SUPT3H: variants seen among roughly 807,000 people sequenced by gnomAD.
SUPT3H encodes the protein SPT3 homolog, SAGA and STAGA complex component, also known as transcription initiation protein SPT3 homolog.
A neutral mutation model predicts 44.3 loss-of-function variants in SUPT3H; 44 were observed. The ratio of observed to expected loss-of-function variants is 0.99; its 90% CI spans 0.78 to 1.28. The LOEUF (loss-of-function observed/expected upper bound fraction) is 1.28. Among genes scored for constraint, SUPT3H ranks in the 50% most tolerant of loss-of-function variants. SUPT3H has a pLI of 0.00. For synonymous variants in SUPT3H, 124 were observed against 125.6 expected, an observed-to-expected ratio of 0.99 and a Z score of 0.09; for missense variants, 380 against 387.1, an observed-to-expected ratio of 0.98 and a Z score of 0.15.
intron 2 of SUPT3H, among the ~76,000 whole-genome samples, chr6:45,146,964 GAAC>G (rs1183473116): frequency 2.0e-5 from 3 of 152,050 alleles, no homozygotes; most frequent in Non-Finnish European, 4.4e-5. Context: ...TAATAATTGA[GAAC>G]AACAAGAATA....
intron 10 of SUPT3H, among the ~76,000 whole-genome samples, chr6:44,840,323 T>C (rs1421138068): frequency 6.6e-6 from 1 of 152,010 alleles, no homozygotes; most frequent in East Asian, 1.9e-4. Context: ...GTCCAATTGG[T>C]GGTGGGAGTG....
At chr6:44,979,321 C>T (rs913675533) in intron 6 of SUPT3H, among the ~76,000 whole-genome samples, 9 of 152,144 alleles carry the variant, frequency 5.9e-5, no homozygotes, top group African/African-American at 2.2e-4. Context: ...CTAATAAATA[C>T]TGAATGATTT....
intron 2 of SUPT3H, among the ~76,000 whole-genome samples, chr6:45,236,434 C>T (rs1443342893): frequency 6.6e-6 from 1 of 152,038 alleles, no homozygotes; most frequent in East Asian, 1.9e-4. Context: ...CCTTTTCACA[C>T]TGATGATGAG....
At chr6:44,954,076 T>C (rs1774734728) in intron 8 of SUPT3H, among the ~76,000 whole-genome samples, 1 of 152,184 alleles carries the variant, frequency 6.6e-6, no homozygotes, top group Non-Finnish European at 1.5e-5. Flanking sequence ...GAGATGCTGA[T>C]GCCTGTGGTC....
chr6:45,060,474 A>G (rs1791814011), intron 3 of SUPT3H, among the ~76,000 whole-genome samples: 1 of 151,950 alleles, frequency 6.6e-6, no homozygotes, highest in Non-Finnish European at 1.5e-5. Flanking sequence ...ACTTAACTGT[A>G]AAACCCAAAA....
chr6:45,221,462 G>A (rs541616955), intron 2 of SUPT3H, among the ~76,000 whole-genome samples: 2 of 152,102 alleles, frequency 1.3e-5, no homozygotes, highest in African/African-American at 4.8e-5. Flanking sequence ...ATTAACATGT[G>A]AAAACAGAAA....
intron 7 of SUPT3H, among the ~76,000 whole-genome samples, chr6:44,954,942 A>G (rs1774886721): frequency 6.6e-6 from 1 of 152,226 alleles, no homozygotes; most frequent in African/African-American, 2.4e-5. Context: ...TCATGTTACA[A>G]CAAGAAGTCA....
chr6:45,374,643 C>G (rs922170259), intron 1 of SUPT3H, among the ~76,000 whole-genome samples: 1 of 151,686 alleles, frequency 6.6e-6, no homozygotes, highest in African/African-American at 2.4e-5. Context: ...ACGGATTTCA[C>G]TATTCAACCT....
intron 4 of SUPT3H, among the ~76,000 whole-genome samples, chr6:45,019,461 T>G (rs1286816119): frequency 1.4e-4 from 21 of 152,114 alleles, no homozygotes; most frequent in African/African-American, 4.3e-4. Flanking sequence ...TTTTGGATCT[T>G]TCCTGCTTTC....
intron 2 of SUPT3H, among the ~76,000 whole-genome samples, chr6:45,220,782 G>A (rs1769657214): frequency 6.6e-6 from 1 of 152,200 alleles, no homozygotes; most frequent in Admixed American, 6.5e-5. Flanking sequence ...GACACTGTTG[G>A]TGGGAGTTCA....
At chr6:45,030,943 C>T (rs1007779598) in intron 3 of SUPT3H, among the ~76,000 whole-genome samples, 8 of 152,034 alleles carry the variant, frequency 5.3e-5, no homozygotes, top group African/African-American at 1.2e-4. Context: ...TGGTACATCC[C>T]GAAGAGTGTT....
At chr6:45,374,789 G>A (rs149602145) in intron 1 of SUPT3H, among the ~76,000 whole-genome samples, 1 of 152,108 alleles carries the variant, frequency 6.6e-6, no homozygotes, top group Non-Finnish European at 1.5e-5. Context: ...GCTGCTAAAG[G>A]TTTATATTCA....
intron 10 of SUPT3H, among the ~76,000 whole-genome samples, chr6:44,878,456 T>A (rs1777653818): frequency 6.6e-6 from 1 of 152,182 alleles, no homozygotes; most frequent in Admixed American, 6.5e-5. Flanking sequence ...AAGCCTTTTT[T>A]TTTTTAAACT....
intron 6 of SUPT3H, among the ~76,000 whole-genome samples, chr6:44,983,192 T>C (rs955463780): frequency 6.6e-6 from 1 of 152,110 alleles, no homozygotes; most frequent in Non-Finnish European, 1.5e-5. Flanking sequence ...CCAAATCAAA[T>C]AATGTCAGTT....
chr6:44,869,454 T>TAG (rs1296352269), intron 10 of SUPT3H, among the ~76,000 whole-genome samples: 1 of 151,840 alleles, frequency 6.6e-6, no homozygotes, highest in African/African-American at 2.4e-5. Flanking sequence ...GAAAACCCAG[T>TAG]AGGTTGAAAC....
At chr6:45,078,831 C>A (rs1795368400) in intron 3 of SUPT3H, among the ~76,000 whole-genome samples, 1 of 152,098 alleles carries the variant, frequency 6.6e-6, no homozygotes, top group East Asian at 1.9e-4. Flanking sequence ...ATGGAAATTC[C>A]CTTATATGTG....
At chr6:45,332,976 C>G (rs1266167097) in intron 2 of SUPT3H, among the ~76,000 whole-genome samples, 1 of 150,868 alleles carries the variant, frequency 6.6e-6, no homozygotes, top group Non-Finnish European at 1.5e-5. Context: ...CCTCTCCTCA[C>G]CCCCCAAAAA....
At chr6:44,809,564 G>A (rs1010963321) in intron 11 of SUPT3H, 2 of 152,212 alleles carry the variant, frequency 1.3e-5, no homozygotes, top group Non-Finnish European at 2.9e-5. Context: ...AGTTGGTACA[G>A]AGAGAAATGT....
intron 2 of SUPT3H, among the ~76,000 whole-genome samples, chr6:45,314,333 G>A (rs763667587): frequency 6.6e-6 from 1 of 152,042 alleles, no homozygotes; most frequent in African/African-American, 2.4e-5. Flanking sequence ...CATCCACGTC[G>A]GTAAAGAGGA....
Sources: allele counts gnomAD v4.1 joint callset (sites outside exome capture counted in the v4.1 genomes callset), GRCh38; gene constraint gnomAD v4.1.1; transcripts MANE v1.5; gene names NCBI Gene and HGNC (gene_info 2026-07-23, HGNC 2026-07-21).